The following CGNL1 variants were observed in gnomAD, a reference collection of about 807,000 sequenced individuals.
CGNL1 encodes cingulin-like protein 1.
CGNL1 carries 132 observed loss-of-function variants against 141.2 expected under a neutral mutation model. The ratio of observed to expected loss-of-function variants is 0.93; its 90% CI spans 0.81 to 1.08. The LOEUF is 1.08. CGNL1 is among the 50% of genes least tolerant of loss of function. The pLI is 0.00. For missense variants in CGNL1, 1,870 were observed against 1,588.6 expected, an observed-to-expected ratio of 1.18 and a Z score of -3.01; for synonymous variants, 690 against 622.1, an observed-to-expected ratio of 1.11 and a Z score of -1.63.
chr15:57,518,459 G>A lies in CGNL1; in HGVS notation c.2677G>A (p.Ala893Thr). The A allele has an allele frequency of 6.2e-7, 1 of 1,612,330 alleles. No individual in the cohort carries two copies. The highest frequency in any genetic ancestry group is 8.5e-7 in the Non-Finnish European group (1 of 1,179,212). The change falls in exon 10 of 19, where the codon GCC becomes ACC. Residue 893 changes from alanine to threonine, a missense_variant. Physicochemically the swap from Ala to Thr is moderately conservative, Grantham distance 58. Transcript: ENST00000281282. Reference protein sequence around the residue: ...ARKEEKEAVSARRALENELEA... With the variant: ...ARKEEKEAVSTRRALENELEA... ...AAAGGAAGAAAAAGAAGCTGTGTCAGCCAGAAGGGCCCTGGAGAATGAACT... is the reference window on the plus strand; with the variant it reads ...AAAGGAAGAAAAAGAAGCTGTGTCAACCAGAAGGGCCCTGGAGAATGAACT...
chr15:57,507,493 G>A (rs1218691372), intron 8 of CGNL1, among the ~76,000 whole-genome samples: 2 of 152,146 alleles, frequency 1.3e-5, no homozygotes, highest in African/African-American at 4.8e-5. Context: ...TTTAACCTAT[G>A]TAATCACTGA....
At chr15:57,498,147 T>C (rs1567154332) in intron 8 of CGNL1, among the ~76,000 whole-genome samples, 1 of 152,096 alleles carries the variant, frequency 6.6e-6, no homozygotes, top group Non-Finnish European at 1.5e-5. Context: ...CTCCTCTTCA[T>C]AGCATTGGGT....
At chr15:57,481,233 A>G (rs961246661) in intron 8 of CGNL1, among the ~76,000 whole-genome samples, 1 of 152,180 alleles carries the variant, frequency 6.6e-6, no homozygotes, top group Non-Finnish European at 1.5e-5. Flanking sequence ...ATTGCAAACT[A>G]TAGTACAATA....
In CGNL1 at chr15:57,440,441, A is replaced by G. The variant is rs760418125; in HGVS notation, c.1667A>G (p.Lys556Arg). The change falls in exon 3 of 19, where the codon AAG (lysine) becomes AGG (arginine). Residue 556 changes from lysine (K) to arginine (R), a missense_variant. Lys to Arg is a conservative substitution (Grantham distance 26). Transcript: ENST00000281282. ...CAGCAAACCAATGAGGAGACAGCTAAGCAGATTCTCTACAATTACCTCAAA... is the reference window on the plus strand; with the variant it reads ...CAGCAAACCAATGAGGAGACAGCTAGGCAGATTCTCTACAATTACCTCAAA... ...LTQQTNEETA[K>R]QILYNYLKEG... 5 of 1,598,334 alleles carry G rather than the reference A, an allele frequency of 3.1e-6. No individual in the cohort carries two copies. Among genetic ancestry groups the G allele is most frequent in the Middle Eastern group, 1.7e-4 (1 of 6,058 alleles).
intron 8 of CGNL1, among the ~76,000 whole-genome samples, chr15:57,483,102 A>G (rs1037844562): frequency 5.9e-5 from 9 of 152,188 alleles, no homozygotes; most frequent in South Asian, 2.1e-4. Flanking sequence ...TTTCATATAA[A>G]TGTTAGAATT....
intron 1 of CGNL1, among the ~76,000 whole-genome samples, chr15:57,434,109 G>A (rs970496044): frequency 6.6e-6 from 1 of 152,200 alleles, no homozygotes; most frequent in African/African-American, 2.4e-5. Context: ...CAACCTTGCA[G>A]AAGATGGTGT....
intron 14 of CGNL1, 22 bp from the exon 15 acceptor site, chr15:57,543,674 G>A (rs745689405): frequency 1.9e-6 from 3 of 1,597,052 alleles, no homozygotes; most frequent in East Asian, 2.2e-5. Flanking sequence ...TAACCTCTGG[G>A]CTTTTGTTCT....
intron 10 of CGNL1, among the ~76,000 whole-genome samples, chr15:57,521,369 A>G (rs2031242763): frequency 6.6e-6 from 1 of 152,186 alleles, no homozygotes; most frequent in Non-Finnish European, 1.5e-5. Flanking sequence ...TCCATCAGAA[A>G]AAGCTAGAAT....
intron 14 of CGNL1, among the ~76,000 whole-genome samples, chr15:57,533,471 T>A (rs929335970): frequency 6.6e-6 from 1 of 152,192 alleles, no homozygotes; most frequent in Non-Finnish European, 1.5e-5. Flanking sequence ...CATGTCAGGA[T>A]CCGCTAAACA....
chr15:57,544,388 A>T, intron 15 of CGNL1, 85 bp from the exon 16 acceptor site: 1 of 1,529,592 alleles, frequency 6.5e-7, no homozygotes, highest in Non-Finnish European at 8.9e-7. Flanking sequence ...GCGACCAAAC[A>T]CCAGGTTCTG....
Position 57,539,702 on chromosome 15 carries a change from C to T in CGNL1, c.3292-3994C>T, listed in dbSNP as rs1595813004. Among the ~76,000 whole-genome samples, 3 of 152,232 alleles carry T rather than the reference C, an allele frequency of 2.0e-5. No homozygotes were observed. In the East Asian group the frequency reaches 5.8e-4, roughly 29 times the overall value. ...GTGTGCTTTACCGGCAGTCCTTGCC[C>T]TTCTTGCCTTTTGGGATAGATCCTG... On this transcript the variant is annotated intron_variant, in intron 14 of 18. Coordinates refer to ENST00000281282, the MANE Select transcript of CGNL1 (RefSeq NM_032866.5).
intron 8 of CGNL1, among the ~76,000 whole-genome samples, chr15:57,483,900 G>T (rs568936814): frequency 6.6e-6 from 1 of 152,134 alleles, no homozygotes; most frequent in African/African-American, 2.4e-5. Context: ...TTTCCCTCCT[G>T]ATTTTAAACT....
At chr15:57,506,833 T>C (rs919019307) in intron 8 of CGNL1, among the ~76,000 whole-genome samples, 5 of 152,224 alleles carry the variant, frequency 3.3e-5, no homozygotes, top group African/African-American at 9.7e-5. Context: ...TTTAGAATAA[T>C]GAGAAAACTG....
chr15:57,425,187 G>T (rs1036302897), intron 1 of CGNL1, among the ~76,000 whole-genome samples: 2 of 152,098 alleles, frequency 1.3e-5, no homozygotes, highest in Non-Finnish European at 2.9e-5. Context: ...CTGCTTGTAG[G>T]AAGCTATTTT....
intron 1 of CGNL1, among the ~76,000 whole-genome samples, chr15:57,427,648 T>G (rs2062993514): frequency 6.6e-6 from 1 of 152,252 alleles, no homozygotes; most frequent in Admixed American, 6.5e-5. Context: ...AGAGATACTT[T>G]GCTGAAAGCA....
At chr15:57,443,679 C>T (rs1595711005) in intron 4 of CGNL1, among the ~76,000 whole-genome samples, 1 of 152,170 alleles carries the variant, frequency 6.6e-6, no homozygotes, top group South Asian at 2.1e-4. Context: ...ATAGTCCTTG[C>T]GTATTACACC....
Position 57,413,620 on chromosome 15 carries a change from G to A in CGNL1, c.-15-24365G>A, listed in dbSNP as rs542037637. 1.1e-4 allele frequency among the ~76,000 whole-genome samples: 17 copies of A among 152,248 alleles called. 1 individual carries two copies. The highest frequency in any genetic ancestry group is 8.5e-4 in the Admixed American group (13 of 15,302). ...GTAGGGAAACCACTCCTTCCTGGCC[G>A]CTCTTTTTTCTCTTTTCTTTTAAAA... On this transcript the variant is annotated intron_variant, in intron 1 of 18. Coordinates refer to ENST00000281282, the MANE Select transcript of CGNL1 (RefSeq NM_032866.5).
At chr15:57,415,146 C>T (rs1419919471) in intron 1 of CGNL1, among the ~76,000 whole-genome samples, 1 of 152,176 alleles carries the variant, frequency 6.6e-6, no homozygotes, top group East Asian at 1.9e-4. Context: ...CATTTAAGTC[C>T]TTTTTCTTTT....
intron 8 of CGNL1, among the ~76,000 whole-genome samples, chr15:57,513,497 TG>T (rs1484751060): frequency 6.6e-6 from 1 of 152,108 alleles, no homozygotes; most frequent in East Asian, 1.9e-4. Context: ...TAAACATTCA[TG>T]TACAAGTTTT....
Sources: allele counts gnomAD v4.1 joint callset (sites outside exome capture counted in the v4.1 genomes callset), GRCh38; gene constraint gnomAD v4.1.1; transcripts MANE v1.5; gene names NCBI Gene and HGNC (gene_info 2026-07-23, HGNC 2026-07-21).